The following MAST4 variants were observed in gnomAD, a reference collection of about 807,000 sequenced individuals.
MAST4 encodes the protein microtubule-associated serine/threonine-protein kinase 4.
In MAST4, 89 loss-of-function variants were observed where a neutral mutation model predicts 162.7. The ratio of observed to expected loss-of-function variants is 0.55; its 90% CI spans 0.46 to 0.65. The LOEUF is 0.65. Among genes scored for constraint, MAST4 ranks in the 30% least tolerant of loss-of-function variants. MAST4 has a pLI of 0.00. For missense variants in MAST4, 3,153 were observed against 3,374.0 expected (o/e 0.93, Z 1.62); for synonymous variants, 1,479 against 1,361.1 (o/e 1.09, Z -1.91).
chr5:67,008,439 A>G (rs1193587342), intron 4 of MAST4, among the ~76,000 whole-genome samples: 1 of 152,194 alleles, frequency 6.6e-6, no homozygotes, highest in African/African-American at 2.4e-5. Context: ...TCTTTTAATT[A>G]TATCTGCTCT....
chr5:66,711,980 A>G (rs115031439), intron 1 of MAST4, among the ~76,000 whole-genome samples: 4 of 152,332 alleles, frequency 2.6e-5, no homozygotes, highest in African/African-American at 9.6e-5. Context: ...TCAGGAGATT[A>G]GGATGTAGAT....
At chr5:66,694,185 G>A (rs1270589290) in intron 1 of MAST4, among the ~76,000 whole-genome samples, 1 of 152,162 alleles carries the variant, frequency 6.6e-6, no homozygotes, top group African/African-American at 2.4e-5. Context: ...TGAATTTCTT[G>A]GAATAGAGCC....
intron 4 of MAST4, among the ~76,000 whole-genome samples, chr5:66,994,082 G>C (rs62372477): frequency 0.017 from 2,580 of 152,178 alleles, 44 homozygotes; most frequent in Non-Finnish European, 0.02. Flanking sequence ...GCACCTGTTT[G>C]AGCTGAGCAG....
At chr5:67,085,252 C>T (rs143949693) in intron 5 of MAST4, among the ~76,000 whole-genome samples, 13 of 152,208 alleles carry the variant, frequency 8.5e-5, no homozygotes, top group African/African-American at 2.9e-4. Context: ...TCAGCAAATC[C>T]CGTTGGCTCC....
chr5:67,038,059 A>C (rs1332322821), intron 4 of MAST4, among the ~76,000 whole-genome samples: 1 of 152,130 alleles, frequency 6.6e-6, no homozygotes, highest in African/African-American at 2.4e-5. Flanking sequence ...TCTTAATGAT[A>C]AAAAGAAATT....
chr5:66,696,203 G>C (rs1273710600), intron 1 of MAST4, among the ~76,000 whole-genome samples: 1 of 152,142 alleles, frequency 6.6e-6, no homozygotes, highest in African/African-American at 2.4e-5. Flanking sequence ...GCCTGTTGGG[G>C]CGGAGGGTGG....
chr5:67,004,823 T>A, intron 4 of MAST4: 1 of 591,702 alleles, frequency 1.7e-6, no homozygotes, highest in African/African-American at 1.9e-5. Context: ...TTCTCAGACA[T>A]GCTCCAAGTT....
intron 3 of MAST4, chr5:66,870,881 G>A (rs780964933): frequency 8.5e-6 from 4 of 471,058 alleles, no homozygotes; most frequent in Admixed American, 2.3e-5. Flanking sequence ...CCTGGGCAAC[G>A]GGTGTGCATG....
chr5:67,123,785 T>C (rs1767855329), intron 14 of MAST4, among the ~76,000 whole-genome samples: 1 of 152,204 alleles, frequency 6.6e-6, no homozygotes, highest in Admixed American at 6.5e-5. Flanking sequence ...GCGCACCATT[T>C]CTCCCCCACT....
At chr5:67,150,734 A>G (rs115276547) in intron 24 of MAST4, among the ~76,000 whole-genome samples, 3,705 of 152,256 alleles carry the variant, frequency 0.024, 58 homozygotes, top group Non-Finnish European at 0.036. Context: ...TTTGGGATCT[A>G]TGTGTGTCCA....
intron 1 of MAST4, among the ~76,000 whole-genome samples, chr5:66,608,808 G>T (rs956049483): frequency 6.8e-6 from 1 of 146,220 alleles, no homozygotes; most frequent in Non-Finnish European, 1.5e-5. Flanking sequence ...AGGGGAAAGC[G>T]GGGGGCGGGG....
In MAST4 at chr5:66,711,708, G is replaced by A. The variant is rs183735349; in HGVS notation, c.364-48001G>A. Among the ~76,000 whole-genome samples the A allele has an allele frequency of 4.0e-3, 612 of 152,224 alleles. 3 individuals carry two copies. Among genetic ancestry groups the A allele is most frequent in the African/African-American group, 0.014 (570 of 41,532 alleles). On this transcript the variant is annotated intron_variant, in intron 1 of 28. Transcript: ENST00000403625. ...GAATTAGCTGGGCATGGTGGTGGGC[G>A]TCTGTAATCCCAGCTACTCAGGAGG...
intron 24 of MAST4, among the ~76,000 whole-genome samples, chr5:67,151,420 G>A (rs558226245): frequency 6.6e-6 from 1 of 152,314 alleles, no homozygotes; most frequent in African/African-American, 2.4e-5. Flanking sequence ...GAGGGGCAGA[G>A]CCCTCATGAC....
At chr5:66,664,923 C>G (rs1747152190) in intron 1 of MAST4, among the ~76,000 whole-genome samples, 1 of 152,100 alleles carries the variant, frequency 6.6e-6, no homozygotes, top group South Asian at 2.1e-4. Context: ...AGAGAGTTAA[C>G]TGGAAGGCAA....
intron 3 of MAST4, among the ~76,000 whole-genome samples, chr5:66,841,295 G>C (rs1439644993): frequency 6.6e-6 from 1 of 152,126 alleles, no homozygotes; most frequent in Non-Finnish European, 1.5e-5. Context: ...CTCTGGAGCA[G>C]GTTAAAACTT....
At chr5:67,025,130 G>A (rs1754485171) in intron 4 of MAST4, among the ~76,000 whole-genome samples, 1 of 152,052 alleles carries the variant, frequency 6.6e-6, no homozygotes, top group African/African-American at 2.4e-5. Context: ...GCCTATGGAT[G>A]TAATTTCAGA....
intron 7 of MAST4, 136 bp from the exon 8 acceptor site, chr5:67,100,299 C>T (rs1033372364): frequency 3.0e-5 from 24 of 804,720 alleles, no homozygotes; most frequent in East Asian, 5.4e-5. Context: ...TTTAGGCAGT[C>T]GTTCTTATAA....
At chr5:66,718,592 T>C (rs1751005717) in intron 1 of MAST4, among the ~76,000 whole-genome samples, 1 of 152,158 alleles carries the variant, frequency 6.6e-6, no homozygotes, top group African/African-American at 2.4e-5. Flanking sequence ...CTGAAAGATA[T>C]CTATTACAGT....
chr5:66,680,423 A>G (rs1209750006), intron 1 of MAST4, among the ~76,000 whole-genome samples: 3 of 152,140 alleles, frequency 2.0e-5, no homozygotes, highest in Admixed American at 2.0e-4. Flanking sequence ...AACCTCATTG[A>G]CAGTCCCCTC....
Sources: allele counts gnomAD v4.1 joint callset (sites outside exome capture counted in the v4.1 genomes callset), GRCh38; gene constraint gnomAD v4.1.1; transcripts MANE v1.5; gene names NCBI Gene and HGNC (gene_info 2026-07-23, HGNC 2026-07-21).